Variants in LDHC observed in about 807,000 individuals in gnomAD.
The protein encoded by LDHC is L-lactate dehydrogenase C chain.
A neutral mutation model predicts 30.2 loss-of-function variants in LDHC; 20 were observed. The ratio of observed to expected loss-of-function variants is 0.66; its 90% CI spans 0.47 to 0.96. The LOEUF (loss-of-function observed/expected upper bound fraction) is 0.96. Ranked by LOEUF, LDHC falls within the 40% of genes least tolerant of loss-of-function variation. The pLI is 0.00. For synonymous variants in LDHC, 139 were observed against 132.7 expected, an observed-to-expected ratio of 1.05 and a Z score of -0.32; for missense variants, 362 against 394.9, an observed-to-expected ratio of 0.92 and a Z score of 0.71.
At chr11:18,446,137 T>A (rs1848549439) in intron 6 of LDHC, 73 bp from the exon 7 acceptor site, 1 of 1,261,596 alleles carries the variant, frequency 7.9e-7, no homozygotes, top group Non-Finnish European at 1.1e-6. Context: ...TTAAAATGGA[T>A]GCTTGAAGAA....
intron 3 of LDHC, among the ~76,000 whole-genome samples, chr11:18,417,955 G>C (rs1867053405): frequency 6.6e-6 from 1 of 152,022 alleles, no homozygotes; most frequent in African/African-American, 2.4e-5. Flanking sequence ...GATTGCTTGA[G>C]TTCAAGGTTG....
At chr11:18,440,129 G>T (rs1332930869) in intron 6 of LDHC, among the ~76,000 whole-genome samples, 6 of 139,896 alleles carry the variant, frequency 4.3e-5, no homozygotes, top group Non-Finnish European at 9.1e-5. Flanking sequence ...GTGAAACTCC[G>T]TCTCTACTAA....
At chr11:18,447,887 A>C (rs1848581769) in intron 7 of LDHC, among the ~76,000 whole-genome samples, 1 of 151,924 alleles carries the variant, frequency 6.6e-6, no homozygotes, top group South Asian at 2.1e-4. Context: ...TGCCTCTACT[A>C]AAAATACAAA....
intron 6 of LDHC, 92 bp from the exon 7 acceptor site, chr11:18,446,118 T>C: frequency 9.7e-7 from 1 of 1,035,998 alleles, no homozygotes; most frequent in Admixed American, 2.1e-5. Flanking sequence ...CATTGACATG[T>C]AGATAACTTT....
chr11:18,428,380 G>A (rs1219342930), intron 3 of LDHC, among the ~76,000 whole-genome samples: 1 of 151,474 alleles, frequency 6.6e-6, no homozygotes, highest in African/African-American at 2.4e-5. Context: ...GGCTGGTCTT[G>A]AACTCCTGAC....
At chr11:18,433,011 A>G (rs1848295768) in intron 4 of LDHC, among the ~76,000 whole-genome samples, 1 of 152,112 alleles carries the variant, frequency 6.6e-6, no homozygotes, top group Non-Finnish European at 1.5e-5. Flanking sequence ...TTGCCTGTGT[A>G]CTTTGGGTTT....
intron 7 of LDHC, among the ~76,000 whole-genome samples, chr11:18,448,449 ATTT>A (rs1386232238): frequency 6.6e-6 from 1 of 151,820 alleles, no homozygotes. Context: ...ACGCCTGGCT[ATTT>A]TTTGTATTTT....
intron 6 of LDHC, among the ~76,000 whole-genome samples, chr11:18,444,641 T>C (rs1277984093): frequency 9.6e-6 from 1 of 104,384 alleles, no homozygotes; most frequent in East Asian, 3.1e-4. Context: ...TATATATATA[T>C]ATATATATGC....
At position 18,434,764 on chromosome 11, in the gene LDHC, G is replaced by A; in HGVS notation, c.443G>A (p.Trp148Ter). Residue 148 changes from tryptophan to a stop codon, truncating the protein, a stop_gained, in exon 5 of 8, where the codon TGG (tryptophan) becomes TAG (stop). Coordinates refer to ENST00000541669, the MANE Select transcript of LDHC (RefSeq NM_017448.5). LOFTEE classifies it high-confidence loss of function. ...NPVDILTYIV[W>*]KISGLPVTRV... ...GTGGATATTTTGACATATATAGTCT[G>A]GAAGATAAGTGGCTTACCTGTAACT... 1 of 1,604,646 alleles carries A rather than the reference G, an allele frequency of 6.2e-7. No homozygotes were observed. Among genetic ancestry groups the A allele is most frequent in the Non-Finnish European group, 8.5e-7 (1 of 1,171,674 alleles).
In LDHC at chr11:18,438,536, T is replaced by C. The variant is rs148004611; in HGVS notation, c.601T>C (p.Trp201Arg). ...GEHGDSSVPL[W>R]SGVNVAGVAL... ...AGATCTGTATTTTTTAGTGCCCTTA[T>C]GGAGTGGGGTGAATGTTGCTGGTGT... Residue 201 changes from tryptophan (W) to arginine (R), a missense_variant, in exon 6 of 8, where the codon TGG becomes CGG. Physicochemically the swap from Trp to Arg is moderately radical, Grantham distance 101. Transcript: ENST00000541669. 1.0e-4 allele frequency: 162 copies of C among 1,604,158 alleles called. No individual in the cohort carries two copies. In the African/African-American group the frequency reaches 1.3e-3, roughly 13 times the overall value.
At chr11:18,434,044 A>G (rs186656916) in intron 4 of LDHC, among the ~76,000 whole-genome samples, 6 of 152,214 alleles carry the variant, frequency 3.9e-5, no homozygotes, top group African/African-American at 1.4e-4. Context: ...GTTAATTTGA[A>G]GACCTTGTCC....
chr11:18,443,091 GA>G (rs1848495251), intron 6 of LDHC, among the ~76,000 whole-genome samples: 1 of 152,022 alleles, frequency 6.6e-6, no homozygotes, highest in Non-Finnish European at 1.5e-5. Context: ...TCTCTTAAGG[GA>G]ACCTACAAAT....
At chr11:18,432,798 T>C (rs1028894908) in intron 4 of LDHC, among the ~76,000 whole-genome samples, 3 of 152,230 alleles carry the variant, frequency 2.0e-5, no homozygotes, top group African/African-American at 7.2e-5. Context: ...TCGCTTTTGG[T>C]GTCCATTTGC....
At chr11:18,440,077 T>C (rs112075925) in intron 6 of LDHC, among the ~76,000 whole-genome samples, 22,174 of 148,210 alleles carry the variant, frequency 0.15, 1,817 homozygotes, top group Middle Eastern at 0.22. Context: ...CTAGGTGGGC[T>C]GATCATGAGG....
At chr11:18,441,353 T>C (rs2721125) in intron 6 of LDHC, among the ~76,000 whole-genome samples, 151,650 of 151,660 alleles carry the variant, frequency 1, 75,820 homozygotes, top group Non-Finnish European at 1. Flanking sequence ...GGGTCTTGCT[T>C]TGTCGCCAGG....
chr11:18,426,977 A>T (rs893263890), intron 3 of LDHC, among the ~76,000 whole-genome samples: 2 of 152,224 alleles, frequency 1.3e-5, no homozygotes, highest in African/African-American at 4.8e-5. Context: ...TTAATTGCTA[A>T]CATTTATTGA....
intron 3 of LDHC, among the ~76,000 whole-genome samples, chr11:18,424,047 G>A (rs1848114216): frequency 6.6e-6 from 1 of 151,780 alleles, no homozygotes; most frequent in Admixed American, 6.6e-5. Context: ...GGAACAATAA[G>A]TGCTCTCACA....
At chr11:18,417,472 C>T (rs1172324457) in intron 3 of LDHC, among the ~76,000 whole-genome samples, 1 of 152,208 alleles carries the variant, frequency 6.6e-6, no homozygotes, top group Non-Finnish European at 1.5e-5. Flanking sequence ...TGGTTCACTG[C>T]AGCCTCGAAT....
intron 6 of LDHC, among the ~76,000 whole-genome samples, chr11:18,443,460 C>CTTTTTT (rs34546967): frequency 1.5e-5 from 2 of 135,754 alleles, no homozygotes; most frequent in South Asian, 2.3e-4. Context: ...TTCTTTCTTT[C>CTTTTTT]TTTTTTTTTT....
Sources: gnomAD v4.1 joint callset for allele counts (sites outside exome capture counted in the v4.1 genomes callset) on GRCh38, gnomAD v4.1.1 for gene constraint, MANE v1.5 for transcripts, NCBI Gene and HGNC (gene_info 2026-07-23, HGNC 2026-07-21) for gene names.